ANAPC7: variants seen among roughly 807,000 people sequenced by gnomAD.
ANAPC7 encodes anaphase promoting complex subunit 7.
ANAPC7 carries 25 observed loss-of-function variants against 63.3 expected under a neutral mutation model. The ratio of observed to expected loss-of-function variants is 0.39; its 90% CI spans 0.29 to 0.55. The LOEUF is 0.55. Ranked by LOEUF, ANAPC7 falls within the 20% of genes least tolerant of loss-of-function variation. The pLI is 0.57. For synonymous variants in ANAPC7, 241 were observed against 251.7 expected, an observed-to-expected ratio of 0.96 and a Z score of 0.40; for missense variants, 516 against 691.7, an observed-to-expected ratio of 0.75 and a Z score of 2.85.
chr12:110,380,922 A>C (rs890014901), intron 8 of ANAPC7, among the ~76,000 whole-genome samples: 20 of 151,894 alleles, frequency 1.3e-4, no homozygotes, highest in African/African-American at 4.8e-4. Context: ...TGGGCAACAA[A>C]GCGAGACTCT....
In ANAPC7 at chr12:110,374,345, C is replaced by A. The variant is rs771873408; in HGVS notation, c.1509-12G>T. ...CATTGGGGTCCAAACTAGGGGACAA[C>A]AAAACAAAGGAGAGGCCTGAATCTC... is the stretch of plus-strand genomic sequence containing the variant. On this transcript the variant is annotated splice_polypyrimidine_tract_variant and intron_variant, in intron 10 of 10. Transcript: ENST00000455511. The A allele has an allele frequency of 2.5e-6, 4 of 1,612,470 alleles. No individual in the cohort carries two copies. Among genetic ancestry groups the A allele is most frequent in the South Asian group, 2.2e-5 (2 of 90,976 alleles).
In ANAPC7 at chr12:110,377,443, G is replaced by T. The variant is rs144846977; in HGVS notation, c.1307C>A (p.Thr436Asn). ...AGCCTTAATGTAATCTGGCCTTTGGGTCAGGGCTTTATCTAATAATGTTTT... is the reference window on the plus strand; with the variant it reads ...AGCCTTAATGTAATCTGGCCTTTGGTTCAGGGCTTTATCTAATAATGTTTT... ...KAKTLLDKAL[T>N]QRPDYIKAVV... Residue 436 changes from threonine (T) to asparagine (N), a missense_variant, in exon 9 of 11, where the codon ACC (threonine) becomes AAC (asparagine). This residue lies in a region of ANAPC7 where 122 missense variants were observed against 212.0 expected (regional missense o/e 0.58). Coordinates refer to ENST00000455511, the MANE Select transcript of ANAPC7 (RefSeq NM_016238.3). 3.7e-6 allele frequency: 6 copies of T among 1,614,156 alleles called. No individual in the cohort carries two copies. The South Asian group carries it at 6.6e-5, about 18-fold the overall frequency.
At chr12:110,377,879 A>G in intron 8 of ANAPC7, 1 of 1,283,074 alleles carries the variant, frequency 7.8e-7, no homozygotes, top group Non-Finnish European at 1.0e-6. Flanking sequence ...ACATGTAAGG[A>G]ACCTGCAGCA....
intron 1 of ANAPC7, 101 bp from the exon 2 acceptor site, chr12:110,396,553 C>A: frequency 1.1e-6 from 1 of 952,228 alleles, no homozygotes; most frequent in Non-Finnish European, 1.5e-6. Flanking sequence ...CTCTGTCACC[C>A]AGGCTGGAGT....
chr12:110,382,330 TAGA>T (rs899302250), intron 7 of ANAPC7, among the ~76,000 whole-genome samples: 5 of 149,924 alleles, frequency 3.3e-5, no homozygotes, highest in Admixed American at 6.7e-5. Context: ...TGCTTAACCC[TAGA>T]AGGAGAGGTT....
At chr12:110,375,390 GA>G in intron 10 of ANAPC7, 1 of 982,446 alleles carries the variant, frequency 1.0e-6, no homozygotes, top group African/African-American at 1.7e-5. Flanking sequence ...CTGAACAATT[GA>G]ATGTGATCAG....
At chr12:110,381,388 G>A (rs1432158623) in intron 8 of ANAPC7, among the ~76,000 whole-genome samples, 2 of 152,126 alleles carry the variant, frequency 1.3e-5, no homozygotes, top group African/African-American at 2.4e-5. Flanking sequence ...CCAGGCTGGA[G>A]TGCAGTGGCG....
intron 1 of ANAPC7, among the ~76,000 whole-genome samples, chr12:110,399,707 T>A (rs560472016): frequency 2.0e-5 from 3 of 151,366 alleles, no homozygotes; most frequent in Non-Finnish European, 2.9e-5. Flanking sequence ...GGAGAATCGC[T>A]TGAACCTGGG....
intron 8 of ANAPC7, among the ~76,000 whole-genome samples, chr12:110,381,087 C>T (rs1237183542): frequency 1.3e-5 from 2 of 150,454 alleles, no homozygotes; most frequent in Non-Finnish European, 3.0e-5. Flanking sequence ...CCCAACTATA[C>T]CCTCACCAAA....
chr12:110,402,039 G>A (rs1343030025), intron 1 of ANAPC7, among the ~76,000 whole-genome samples: 1 of 151,400 alleles, frequency 6.6e-6, no homozygotes, highest in Non-Finnish European at 1.5e-5. Flanking sequence ...AGCTGGGCGT[G>A]TGGCGCTCGC....
rs770300870 is a variant in ANAPC7 at position 110,377,627 on chromosome 12, G to GAA, written c.1133-11_1133-10insTT. ...TAACATTCGATAAGACCTGAAAAAA[G>GAA]TAAAACACGTGAAGACATTCAATGC... is the stretch of plus-strand genomic sequence containing the variant. On this transcript the variant is annotated splice_polypyrimidine_tract_variant and intron_variant, in intron 8 of 10. Coordinates refer to ENST00000455511, the MANE Select transcript of ANAPC7 (RefSeq NM_016238.3). 1 of 1,614,012 alleles carries GAA rather than the reference G, an allele frequency of 6.2e-7. No individual in the cohort carries two copies. Among genetic ancestry groups the GAA allele is most frequent in the African/African-American group, 1.3e-5 (1 of 74,942 alleles).
chr12:110,384,007 C>T (rs1176475576), intron 6 of ANAPC7, among the ~76,000 whole-genome samples: 1 of 150,816 alleles, frequency 6.6e-6, no homozygotes, highest in Non-Finnish European at 1.5e-5. Flanking sequence ...TCAAGACCAG[C>T]CTGGCCAAGA....
chr12:110,400,571 C>A (rs1174989726), intron 1 of ANAPC7, among the ~76,000 whole-genome samples: 1 of 148,352 alleles, frequency 6.7e-6, no homozygotes, highest in African/African-American at 2.4e-5. Context: ...CCTGTAACAT[C>A]TTTAAGAACT....
At position 110,390,700 on chromosome 12, in the gene ANAPC7, A is replaced by C. The variant is rs557633468; in HGVS notation, c.409-2077T>G. On this transcript the variant is annotated intron_variant, in intron 3 of 10. Transcript: ENST00000455511. Reference sequence around the variant, plus strand: ...TACTATTTTGAAAATGCAAAGAAAAATACTTAAAAGGAAAACTCCAGGATT... The same window carrying C: ...TACTATTTTGAAAATGCAAAGAAAACTACTTAAAAGGAAAACTCCAGGATT... Among the ~76,000 whole-genome samples the C allele has an allele frequency of 3.3e-5, 5 of 152,338 alleles. No homozygotes were observed. In the South Asian group the frequency reaches 1.0e-3, roughly 32 times the overall value.
intron 3 of ANAPC7, among the ~76,000 whole-genome samples, chr12:110,389,658 G>T (rs979076318): frequency 6.6e-6 from 1 of 152,134 alleles, no homozygotes; most frequent in Non-Finnish European, 1.5e-5. Context: ...CTGGCCGGGC[G>T]CAGTGGCTCA....
intron 3 of ANAPC7, among the ~76,000 whole-genome samples, chr12:110,390,074 AT>A (rs1027414630): frequency 3.6e-4 from 53 of 148,676 alleles, no homozygotes; most frequent in South Asian, 2.6e-3. Context: ...TTAAAATTAG[AT>A]TTTTTTTTTT....
chr12:110,397,096 TGGGA>T (rs1263696881), intron 1 of ANAPC7, among the ~76,000 whole-genome samples: 1 of 145,984 alleles, frequency 6.9e-6, no homozygotes, highest in African/African-American at 2.5e-5. Flanking sequence ...CCCAGCTACT[TGGGA>T]GGCTGAAGCA....
chr12:110,376,219 G>C lies in ANAPC7; in HGVS notation c.1358-3C>G. The C allele has an allele frequency of 1.2e-6, 2 of 1,613,528 alleles. No homozygotes were observed. Among genetic ancestry groups the C allele is most frequent in the Non-Finnish European group, 1.7e-6 (2 of 1,179,782 alleles). ...ATCTTCATATTTCTGTTCTCTGCCT[G>C]GGGGAATAAAAAAGACCCTCACTTA... On this transcript the variant is annotated splice_polypyrimidine_tract_variant and splice_region_variant and intron_variant, in intron 9 of 10. Coordinates refer to ENST00000455511, the MANE Select transcript of ANAPC7 (RefSeq NM_016238.3).
chr12:110,395,024 T>A, intron 3 of ANAPC7, 77 bp downstream of exon 3: 1 of 1,521,668 alleles, frequency 6.6e-7, no homozygotes, highest in Non-Finnish European at 8.9e-7. Context: ...ACGGACTCCT[T>A]AATGCATGAG....
Sources: gnomAD v4.1 joint callset for allele counts (sites outside exome capture counted in the v4.1 genomes callset) on GRCh38, gnomAD v4.1.1 for gene constraint, gnomAD v4.1.1 regional missense constraint, MANE v1.5 for transcripts, NCBI Gene and HGNC (gene_info 2026-07-23, HGNC 2026-07-21) for gene names.